Variants in TEX10 observed in about 807,000 individuals in gnomAD.
TEX10 encodes the protein testis-expressed protein 10.
TEX10 carries 24 observed loss-of-function variants against 104.4 expected under a neutral mutation model. The ratio of observed to expected loss-of-function variants is 0.23; its 90% CI spans 0.17 to 0.32. TEX10 has a LOEUF of 0.32. Among genes scored for constraint, TEX10 ranks in the 10% least tolerant of loss-of-function variants. The probability of loss-of-function intolerance (pLI) is 1.00; values close to 1 mark genes in which losing one functional copy is unlikely to be tolerated. For missense variants in TEX10, 921 were observed against 1,083.9 expected, an observed-to-expected ratio of 0.85 and a Z score of 2.11; for synonymous variants, 396 against 393.4, an observed-to-expected ratio of 1.01 and a Z score of -0.08.
chr9:100,336,033 G>A (rs1242848133), intron 5 of TEX10, among the ~76,000 whole-genome samples: 4 of 151,706 alleles, frequency 2.6e-5, no homozygotes, highest in Middle Eastern at 3.2e-3. Context: ...CGGGCATAGT[G>A]GCACATGCCT....
In TEX10 at chr9:100,327,876, G is replaced by A. The variant is rs1476488495; in HGVS notation, c.1712C>T (p.Thr571Ile). The A allele has an allele frequency of 1.2e-6, 2 of 1,609,016 alleles. No individual in the cohort carries two copies. The highest frequency in any genetic ancestry group is 1.1e-5 in the South Asian group (1 of 90,274). ...GGTATGAATGATATCGATAAGCTGT[G>A]TAGAGAGCTCAGGATTTCGGGAGCC... ...HLGSRNPELS[T>I]QLIDIIHTAA... Residue 571 changes from threonine (T) to isoleucine (I), a missense_variant, in exon 8 of 15, where the codon ACA (threonine) becomes ATA (isoleucine). By Grantham distance (89) the Thr-to-Ile change is moderately conservative. Around this residue, in one of 3 missense-constraint regions of TEX10, gnomAD observed 753 missense variants for 868.4 expected, o/e 0.87. Coordinates refer to ENST00000374902, the MANE Select transcript of TEX10 (RefSeq NM_017746.4).
intron 9 of TEX10, among the ~76,000 whole-genome samples, chr9:100,322,756 T>C (rs1477139385): frequency 1.3e-5 from 2 of 152,080 alleles, no homozygotes; most frequent in Non-Finnish European, 2.9e-5. Context: ...GCTGGGATTA[T>C]AGACGTGCAC....
At chr9:100,352,308 C>G in intron 1 of TEX10, 2 of 1,527,550 alleles carry the variant, frequency 1.3e-6, no homozygotes, top group Non-Finnish European at 8.9e-7. Flanking sequence ...ACTGGTAGTC[C>G]CCTTCCGCTC....
chr9:100,306,962 T>C lies in TEX10; in HGVS notation c.2465+1538A>G, dbSNP rs547486320. On this transcript the variant is annotated intron_variant, in intron 13 of 14. Transcript: ENST00000374902. ...CAAATAGCAATACACACACATTTCA[T>C]TAAGTGGGGATCTTATAAAATCTCT... 4 of 152,312 alleles carry C rather than the reference T, an allele frequency of 2.6e-5. No homozygotes were observed. In the South Asian group the frequency reaches 6.2e-4, roughly 24 times the overall value. The allele number at this position is 152,312 out of a possible 1,614,324, so 9.4% of individuals were successfully genotyped here. A position where few individuals can be genotyped will look rare whatever the true frequency, so the allele number is the denominator to read the frequency against.
chr9:100,337,942 A>G (rs117421185), intron 5 of TEX10, among the ~76,000 whole-genome samples: 2 of 152,290 alleles, frequency 1.3e-5, no homozygotes, highest in East Asian at 3.9e-4. Flanking sequence ...AGTTCTAATG[A>G]TACTTTTATA....
At chr9:100,344,489 T>C (rs1439957205) in intron 4 of TEX10, among the ~76,000 whole-genome samples, 2 of 145,148 alleles carry the variant, frequency 1.4e-5, no homozygotes, top group African/African-American at 5.2e-5. Context: ...AAAAGTTTAC[T>C]AGTGCTTATA....
chr9:100,302,390 C>T, intron 14 of TEX10, 86 bp from the exon 15 acceptor site: 2 of 906,158 alleles, frequency 2.2e-6, no homozygotes, highest in Non-Finnish European at 3.4e-6. Flanking sequence ...AACACAATTT[C>T]CCAGAGCTTT....
intron 8 of TEX10, among the ~76,000 whole-genome samples, chr9:100,326,746 G>A (rs146680424): frequency 5.5e-4 from 84 of 152,220 alleles, no homozygotes; most frequent in African/African-American, 1.7e-3. Flanking sequence ...TTTCAGGGGG[G>A]TAATAAGGAA....
chr9:100,346,409 G>A, intron 3 of TEX10, 94 bp from the exon 4 acceptor site: 2 of 1,361,728 alleles, frequency 1.5e-6, no homozygotes, highest in Non-Finnish European at 2.0e-6. Context: ...CTAGTAAAAT[G>A]AAGCACCATG....
rs552029906 is a variant in TEX10 at position 100,352,792 on chromosome 9, G to A, written c.-30C>T. ...CTTACCTGAGGACCCGGCCGCGGCC[G>A]GGGCGAGAAGCCCGAGAAGACAAGC... On this transcript the variant is annotated 5_prime_UTR_variant, in exon 1 of 15. Coordinates refer to ENST00000374902, the MANE Select transcript of TEX10 (RefSeq NM_017746.4). 475 of 1,072,156 alleles carry A rather than the reference G, an allele frequency of 4.4e-4. No homozygotes were observed. The African/African-American group carries it at 7.1e-3, about 16-fold the overall frequency. 66.4% of individuals were successfully genotyped at this position (1,072,156 alleles called of 1,614,324 possible). A position where few individuals can be genotyped will look rare whatever the true frequency, so the allele number is the denominator to read the frequency against.
chr9:100,346,186 A>G lies in TEX10; in HGVS notation c.1023T>C (p.Ala341=). ...GTTCTATACCATTCCCAACAGGAGT[A>G]GCTAGTTGTGGAGGTACAGCTTCAA... ...CWVEAVPPQL[A]TPVGNGIERE... Residue 341 remains alanine, a synonymous_variant, in exon 4 of 15, where the codon GCT becomes GCC. Transcript: ENST00000374902. The G allele has an allele frequency of 6.2e-7, 1 of 1,614,078 alleles. No individual in the cohort carries two copies. Among genetic ancestry groups the G allele is most frequent in the South Asian group, 1.1e-5 (1 of 91,080 alleles).
At position 100,346,323 on chromosome 9, in the gene TEX10, G is replaced by A. The variant is rs752457192; in HGVS notation, c.894-8C>T. The A allele has an allele frequency of 6.3e-7, 1 of 1,583,984 alleles. No homozygotes were observed. Among genetic ancestry groups the A allele is most frequent in the South Asian group, 1.2e-5 (1 of 85,982 alleles). ...AGTCCTCCAACCAGATACCTAATAAGGGTAAGAAAGAAAAAAATTAAGTGA... is the reference window on the plus strand; with the variant it reads ...AGTCCTCCAACCAGATACCTAATAAAGGTAAGAAAGAAAAAAATTAAGTGA... On this transcript the variant is annotated splice_region_variant and splice_polypyrimidine_tract_variant and intron_variant, in intron 3 of 14. Transcript: ENST00000374902.
In TEX10 at chr9:100,303,402, T is replaced by A. The variant is rs559620625; in HGVS notation, c.2676+230A>T. On this transcript the variant is annotated intron_variant, in intron 14 of 14. Coordinates refer to ENST00000374902, the MANE Select transcript of TEX10 (RefSeq NM_017746.4). The stretch of plus-strand genomic sequence containing the variant: ...TCACCTTCATTGAGTTTGATTATTT[T>A]AAGACTTTTATTACTAATTCTGGAA... 8.0e-5 allele frequency among the ~76,000 whole-genome samples: 12 copies of A among 150,850 alleles called. No individual in the cohort carries two copies. The South Asian group carries it at 2.3e-3, about 29-fold the overall frequency.
chr9:100,308,182 C>A (rs1182340762), intron 13 of TEX10, among the ~76,000 whole-genome samples: 1 of 151,760 alleles, frequency 6.6e-6, no homozygotes, highest in East Asian at 2.0e-4. Flanking sequence ...AGCCCATCCT[C>A]CTAACGGTAG....
At chr9:100,342,337 G>A (rs1001059488) in intron 4 of TEX10, among the ~76,000 whole-genome samples, 1 of 152,002 alleles carries the variant, frequency 6.6e-6, no homozygotes, top group Admixed American at 6.6e-5. Context: ...TTTGTTTACT[G>A]TCTATAGATC....
In TEX10 at chr9:100,346,960, T is replaced by C. The variant is rs201578843; in HGVS notation, c.627A>G (p.Ile209Met). The C allele has an allele frequency of 1.4e-4, 228 of 1,614,234 alleles. No individual in the cohort carries two copies. In the East Asian group the frequency reaches 4.7e-3, roughly 33 times the overall value. The change falls in exon 3 of 15, where the codon ATA becomes ATG. Residue 209 changes from isoleucine to methionine, a missense_variant. Physicochemically the swap from Ile to Met is conservative, Grantham distance 10. Coordinates refer to ENST00000374902, the MANE Select transcript of TEX10 (RefSeq NM_017746.4). Reference protein sequence around the residue: ...LINRDRSQSWILSVNPNRRLT... With the variant: ...LINRDRSQSWMLSVNPNRRLT... The stretch of plus-strand genomic sequence containing the variant: ...GTCTCCGATTAGGATTTACAGAAAG[T>C]ATCCAGGACTGGGATCTGTCTCTAT...
intron 13 of TEX10, 112 bp from the exon 14 acceptor site, chr9:100,303,954 C>T: frequency 9.6e-7 from 1 of 1,045,542 alleles, no homozygotes; most frequent in Non-Finnish European, 1.4e-6. Flanking sequence ...TTTCCAATAA[C>T]ATTTAAACTG....
intron 11 of TEX10, among the ~76,000 whole-genome samples, 161 bp from the exon 12 acceptor site, chr9:100,310,540 C>G (rs1325382901): frequency 6.6e-6 from 1 of 152,126 alleles, no homozygotes; most frequent in Admixed American, 6.5e-5. Context: ...CTGGCTCAAG[C>G]AATCCTCTGG....
intron 11 of TEX10, 109 bp from the exon 12 acceptor site, chr9:100,310,488 G>C (rs745958110): frequency 7.6e-5 from 77 of 1,006,754 alleles, no homozygotes; most frequent in Non-Finnish European, 8.5e-5. Flanking sequence ...GCCCAGGCTG[G>C]AGTGCAGTGA....
Sources: gnomAD v4.1 joint callset for allele counts (sites outside exome capture counted in the v4.1 genomes callset) on GRCh38, gnomAD v4.1.1 for gene constraint, gnomAD v4.1.1 regional missense constraint, MANE v1.5 for transcripts, NCBI Gene and HGNC (gene_info 2026-07-23, HGNC 2026-07-21) for gene names.